The following BICRAL variants were observed in gnomAD, a reference collection of about 807,000 sequenced individuals.
BICRAL encodes BRD4-interacting chromatin-remodeling complex-associated protein-like.
In BICRAL, 8 loss-of-function variants were observed where a neutral mutation model predicts 91.8. That is an observed-to-expected ratio of 0.09 (90% CI 0.05 to 0.16). BICRAL has a LOEUF of 0.16. Among genes scored for constraint, BICRAL ranks in the 10% least tolerant of loss-of-function variants. The pLI is 1.00. For synonymous variants in BICRAL, 445 were observed against 491.1 expected, an observed-to-expected ratio of 0.91 and a Z score of 1.24; for missense variants, 1,038 against 1,310.9, an observed-to-expected ratio of 0.79 and a Z score of 3.21.
intron 1 of BICRAL, among the ~76,000 whole-genome samples, chr6:42,747,795 G>GT (rs1343500976): frequency 2.1e-4 from 29 of 141,154 alleles, no homozygotes; most frequent in Non-Finnish European, 3.2e-4. Context: ...TTGCTTTTTT[G>GT]TTTTATTTTG....
intron 6 of BICRAL, among the ~76,000 whole-genome samples, chr6:42,835,779 C>CA (rs1764620559): frequency 6.6e-6 from 1 of 152,128 alleles, no homozygotes; most frequent in African/African-American, 2.4e-5. Flanking sequence ...ACAAAAAATA[C>CA]AAAAATTAGG....
chr6:42,819,563 G>A (rs1313175987), intron 2 of BICRAL, among the ~76,000 whole-genome samples: 2 of 152,164 alleles, frequency 1.3e-5, no homozygotes, highest in East Asian at 1.9e-4. Context: ...TGGGATTACA[G>A]GCATGTGCCA....
intron 1 of BICRAL, among the ~76,000 whole-genome samples, chr6:42,774,954 CAG>C (rs1762788690): frequency 6.7e-6 from 1 of 149,214 alleles, no homozygotes; most frequent in African/African-American, 2.5e-5. Context: ...TTTTTTGAGA[CAG>C]AGTTTCGCTC....
Position 42,866,955 on chromosome 6 carries a change from G to A in BICRAL, c.*1509G>A, listed in dbSNP as rs774904839. On this transcript the variant is annotated 3_prime_UTR_variant, in exon 13 of 13. Transcript: ENST00000314073. ...ACACGTGCATGTATCTGAGCTGCTC[G>A]GATCCAGAGGTCATTTTTGTTACAG... The A allele has an allele frequency of 4.6e-5, 20 of 438,270 alleles. No individual in the cohort carries two copies. Among genetic ancestry groups the A allele is most frequent in the South Asian group, 1.8e-4 (11 of 62,556 alleles). 27.1% of individuals were successfully genotyped at this position (438,270 alleles called of 1,614,324 possible). A position where few individuals can be genotyped will look rare whatever the true frequency, so the allele number is the denominator to read the frequency against.
intron 1 of BICRAL, among the ~76,000 whole-genome samples, chr6:42,766,545 T>A (rs548407967): frequency 3.3e-4 from 50 of 152,186 alleles, no homozygotes; most frequent in African/African-American, 1.2e-3. Flanking sequence ...TAATTGCAAT[T>A]GTAGAAAGAG....
Position 42,866,796 on chromosome 6 carries a change from T to C in BICRAL, c.*1350T>C, listed in dbSNP as rs1359646454. On this transcript the variant is annotated 3_prime_UTR_variant, in exon 13 of 13. Transcript: ENST00000314073. ...AGGGAGTATTCTCCGTTTTCCTTTC[T>C]CGTATACCTGCCCCAGGTTATCCCA... 6.6e-6 allele frequency: 3 copies of C among 456,528 alleles called. No homozygotes were observed. The highest frequency in any genetic ancestry group is 1.3e-5 in the Non-Finnish European group (3 of 226,814). 28.3% of individuals were successfully genotyped at this position (456,528 alleles called of 1,614,324 possible).
upstream of BICRAL, among the ~76,000 whole-genome samples, chr6:42,781,036 C>T (rs901677504): frequency 3.3e-5 from 5 of 151,966 alleles, no homozygotes; most frequent in East Asian, 1.9e-4. Context: ...CGCGCCCGGC[C>T]TGGGCCACAT....
rs1035281466 is a variant in BICRAL at position 42,865,057 on chromosome 6, A to G, written c.2851A>G (p.Thr951Ala). The change falls in exon 13 of 13, where the codon ACT (threonine) becomes GCT (alanine). Residue 951 changes from threonine (T) to alanine (A), a missense_variant. Transcript: ENST00000314073. ...RKTSSRSDHG[T>A]ESKLSSILAD... ...AACCTCATCCAGATCGGATCATGGT[A>G]CTGAGAGCAAACTGTCAAGCATCCT... 3 of 1,614,118 alleles carry G rather than the reference A, an allele frequency of 1.9e-6. No individual in the cohort carries two copies. Among genetic ancestry groups the G allele is most frequent in the Non-Finnish European group, 2.5e-6 (3 of 1,180,032 alleles).
At chr6:42,863,242 G>C (rs1765611882) in intron 12 of BICRAL, among the ~76,000 whole-genome samples, 1 of 151,880 alleles carries the variant, frequency 6.6e-6, no homozygotes, top group African/African-American at 2.4e-5. Context: ...TAGAGACGGG[G>C]TTTCACCGTG....
intron 1 of BICRAL, among the ~76,000 whole-genome samples, chr6:42,794,315 ATGT>A (rs1248055882): frequency 1.3e-5 from 2 of 152,160 alleles, no homozygotes; most frequent in African/African-American, 2.4e-5. Context: ...TTGGGTAACC[ATGT>A]TGTTTAAAAA....
chr6:42,848,086 G>A (rs1427488416), intron 6 of BICRAL, among the ~76,000 whole-genome samples: 1 of 151,382 alleles, frequency 6.6e-6, no homozygotes, highest in Non-Finnish European at 1.5e-5. Context: ...CCAAGATTGC[G>A]CCACTGCACT....
chr6:42,857,614 A>AAAAAAAAAAAATATATATATAT, intron 10 of BICRAL, among the ~76,000 whole-genome samples: 2 of 96,214 alleles, frequency 2.1e-5, no homozygotes, highest in African/African-American at 1.3e-4. Flanking sequence ...AAAAAAAAAA[A>AAAAAAAAAAAATATATATATAT]ATATATATAT....
intron 2 of BICRAL, among the ~76,000 whole-genome samples, chr6:42,812,012 A>C (rs1423091444): frequency 2.0e-5 from 3 of 152,232 alleles, no homozygotes; most frequent in Non-Finnish European, 4.4e-5. Flanking sequence ...GTCCTAGACA[A>C]AGCTCAAAAA....
rs901918195 is a variant in BICRAL, at chr6:42,865,966, T to G, written c.*520T>G. 1 of 152,750 alleles carries G rather than the reference T, an allele frequency of 6.5e-6. No individual in the cohort carries two copies. Among genetic ancestry groups the G allele is most frequent in the African/African-American group, 2.4e-5 (1 of 41,428 alleles). The allele number at this position is 152,750 out of a possible 1,614,324, so 9.5% of individuals were successfully genotyped here. ...TTTGTGTGTGTTTTGTTGTTATTGT[T>G]GAGGGGAAGACCACATGGTTCTTCC... On this transcript the variant is annotated 3_prime_UTR_variant, in exon 13 of 13. Transcript: ENST00000314073.
intron 1 of BICRAL, among the ~76,000 whole-genome samples, chr6:42,764,284 A>G (rs12190220): frequency 0.19 from 28,263 of 151,026 alleles, 2,923 homozygotes; most frequent in Admixed American, 0.25. Flanking sequence ...ACAGTGGCCC[A>G]CACCTGTAAT....
At position 42,862,511 on chromosome 6, in the gene BICRAL, G is replaced by A. The variant is rs950366753; in HGVS notation, c.2351G>A (p.Arg784Gln). ...YRCLLLEDAM[R>Q]INPSAEMVMI... The stretch of plus-strand genomic sequence containing the variant: ...ATGACTGGCCTCTCTCTTTTTCAGC[G>A]AATCAATCCCTCTGCTGAGATGGTG... Residue 784 changes from arginine (R) to glutamine (Q), a missense_variant and splice_region_variant, in exon 12 of 13, where the codon CGA becomes CAA. Coordinates refer to ENST00000314073, the MANE Select transcript of BICRAL (RefSeq NM_001393499.1). 6.9e-6 allele frequency: 11 copies of A among 1,591,022 alleles called. No individual in the cohort carries two copies. Among genetic ancestry groups the A allele is most frequent in the African/African-American group, 2.7e-5 (2 of 74,354 alleles).
intron 1 of BICRAL, among the ~76,000 whole-genome samples, chr6:42,771,063 T>A (rs1762716856): frequency 6.6e-6 from 1 of 152,200 alleles, no homozygotes; most frequent in African/African-American, 2.4e-5. Context: ...GCTGGGTCCC[T>A]CCTTCTCTCC....
Position 42,829,294 on chromosome 6 carries a change from G to A in BICRAL, c.961G>A (p.Gly321Ser). The A allele has an allele frequency of 1.2e-6, 2 of 1,614,152 alleles. 1 individual carries two copies. The highest frequency in any genetic ancestry group is 2.2e-5 in the South Asian group (2 of 91,080). ...INIQPKPIQM[G>S]QQNTYNVNNL... Reference sequence around the variant, plus strand: ...TATACAGCCAAAGCCTATCCAGATGGGTCAGCAAAATACATACAATGTGAA... The same window carrying A: ...TATACAGCCAAAGCCTATCCAGATGAGTCAGCAAAATACATACAATGTGAA... The change falls in exon 6 of 13, where the codon GGT (glycine) becomes AGT (serine). Residue 321 changes from glycine (G) to serine (S), a missense_variant. Physicochemically the swap from Gly to Ser is moderately conservative, Grantham distance 56. This residue lies in a region of BICRAL where 532 missense variants were observed against 724.9 expected (regional missense o/e 0.73). Transcript: ENST00000314073.
chr6:42,864,029 TG>T (rs1765632758), intron 12 of BICRAL, among the ~76,000 whole-genome samples: 1 of 152,088 alleles, frequency 6.6e-6, no homozygotes, highest in South Asian at 2.1e-4. Context: ...TAGTCCGTTG[TG>T]GTGGCAGATG....
Sources: gnomAD v4.1 joint callset for allele counts (sites outside exome capture counted in the v4.1 genomes callset) on GRCh38, gnomAD v4.1.1 for gene constraint, gnomAD v4.1.1 regional missense constraint, MANE v1.5 for transcripts, NCBI Gene and HGNC (gene_info 2026-07-23, HGNC 2026-07-21) for gene names.